The following PTPRD variants were observed in gnomAD, a reference collection of about 807,000 sequenced individuals.
PTPRD encodes the protein receptor-type tyrosine-protein phosphatase delta.
Under a neutral mutation model 214.5 loss-of-function variants are expected in PTPRD, and 34 were observed. That is an observed-to-expected ratio of 0.16 (90% confidence interval 0.12 to 0.21). The LOEUF is 0.21. Among genes scored for constraint, PTPRD ranks in the 10% least tolerant of loss-of-function variants. The probability of loss-of-function intolerance (pLI) is 1.00; values close to 1 mark genes in which losing one functional copy is unlikely to be tolerated. For missense variants in PTPRD, 2,545 were observed against 2,398.7 expected, an observed-to-expected ratio of 1.06 and a Z score of -1.27; for synonymous variants, 1,128 against 845.7, an observed-to-expected ratio of 1.33 and a Z score of -5.79.
rs1368145088 is a variant in PTPRD at position 8,341,983 on chromosome 9, G to A, written c.4662-5C>T. The A allele has an allele frequency of 1.9e-6, 3 of 1,584,622 alleles. No homozygotes were observed. In the African/African-American group the frequency reaches 4.1e-5, roughly 22 times the overall value. On this transcript the variant is annotated splice_region_variant and splice_polypyrimidine_tract_variant and intron_variant, in intron 39 of 45. Transcript: ENST00000381196. The stretch of plus-strand genomic sequence containing the variant: ...CCAGTCCGGCCAACTCCCGCACTAT[G>A]AGGAAAATAGAGAAGAAAAGCCCAA...
intron 3 of PTPRD, among the ~76,000 whole-genome samples, chr9:10,170,207 T>C (rs1033385847): frequency 1.3e-5 from 2 of 152,086 alleles, no homozygotes; most frequent in Non-Finnish European, 1.5e-5. Flanking sequence ...TGAGCTGCTG[T>C]AGGGAGCATT....
At chr9:8,330,623 AACAAAGGATGCTAGAAGGG>A (rs1839390806) in intron 44 of PTPRD, among the ~76,000 whole-genome samples, 5 of 152,174 alleles carry the variant, frequency 3.3e-5, no homozygotes, top group Non-Finnish European at 7.4e-5. Context: ...ATGCCTGAGA[AACAAAGGATGCTAGAAGGG>A]ACTTTAAACC....
intron 8 of PTPRD, among the ~76,000 whole-genome samples, chr9:9,419,314 TTTC>T (rs2077984086): frequency 6.6e-6 from 1 of 151,782 alleles, no homozygotes; most frequent in Non-Finnish European, 1.5e-5. Context: ...AATCAAGCTA[TTTC>T]TAAACAACAA....
At chr9:9,818,637 G>A (rs1289903677) in intron 5 of PTPRD, among the ~76,000 whole-genome samples, 1 of 152,054 alleles carries the variant, frequency 6.6e-6, no homozygotes, top group Non-Finnish European at 1.5e-5. Flanking sequence ...AAGAAAATGG[G>A]TCGGGCGTGG....
chr9:9,860,851 G>C (rs562330243), intron 5 of PTPRD, among the ~76,000 whole-genome samples: 2 of 152,294 alleles, frequency 1.3e-5, no homozygotes, highest in Admixed American at 1.3e-4. Context: ...AGAGATGTTG[G>C]TTTTGTTGTT....
chr9:9,750,781 T>C (rs1422088378), intron 6 of PTPRD, among the ~76,000 whole-genome samples: 1 of 152,092 alleles, frequency 6.6e-6, no homozygotes, highest in Non-Finnish European at 1.5e-5. Flanking sequence ...ATGGGAACTT[T>C]TCTATTTAAT....
At chr9:9,835,375 C>T (rs552557438) in intron 5 of PTPRD, among the ~76,000 whole-genome samples, 2 of 151,996 alleles carry the variant, frequency 1.3e-5, no homozygotes, top group Non-Finnish European at 2.9e-5. Context: ...TGAAAGGATG[C>T]CACTTTTGAA....
intron 10 of PTPRD, among the ~76,000 whole-genome samples, chr9:9,117,821 T>A (rs1296222084): frequency 1.3e-5 from 2 of 152,096 alleles, no homozygotes; most frequent in East Asian, 3.9e-4. Context: ...ATTTGTCCCA[T>A]TGCTTGAAAA....
At chr9:9,048,438 G>A (rs1441153950) in intron 10 of PTPRD, among the ~76,000 whole-genome samples, 3 of 152,102 alleles carry the variant, frequency 2.0e-5, no homozygotes, top group Non-Finnish European at 4.4e-5. Context: ...TAAATAAAAT[G>A]TAAGACATAC....
At chr9:8,491,150 C>G (rs1039828874) in intron 27 of PTPRD, among the ~76,000 whole-genome samples, 2 of 152,206 alleles carry the variant, frequency 1.3e-5, no homozygotes, top group Non-Finnish European at 2.9e-5. Flanking sequence ...GGAGGTCTTA[C>G]AAAAGTAAAC....
chr9:9,013,326 T>A (rs148960191), intron 11 of PTPRD, among the ~76,000 whole-genome samples: 1 of 151,854 alleles, frequency 6.6e-6, no homozygotes, highest in Non-Finnish European at 1.5e-5. Flanking sequence ...GCCATGGGAG[T>A]GCCCCCAGAA....
intron 31 of PTPRD, among the ~76,000 whole-genome samples, chr9:8,466,244 A>G (rs1000115540): frequency 1.3e-5 from 2 of 151,852 alleles, no homozygotes; most frequent in African/African-American, 4.8e-5. Context: ...TCATTTACCA[A>G]TTTCTGACTT....
chr9:9,437,529 A>G (rs907968439), intron 8 of PTPRD, among the ~76,000 whole-genome samples: 2 of 151,954 alleles, frequency 1.3e-5, no homozygotes, highest in South Asian at 4.1e-4. Flanking sequence ...TCTTTTCTCT[A>G]TTATCTGGCA....
At chr9:8,351,403 T>C (rs1476287983) in intron 39 of PTPRD, among the ~76,000 whole-genome samples, 2 of 149,378 alleles carry the variant, frequency 1.3e-5, no homozygotes, top group Non-Finnish European at 3.0e-5. Flanking sequence ...TATTTTTTTG[T>C]AGCTTTTTTT....
chr9:9,578,045 CAAAAAAA>C (rs34128512), intron 7 of PTPRD, among the ~76,000 whole-genome samples: 16 of 102,392 alleles, frequency 1.6e-4, no homozygotes, highest in African/African-American at 4.6e-4. Flanking sequence ...GACTCTGTCT[CAAAAAAA>C]AAAAAAAAAA....
At chr9:9,747,408 A>T (rs1349656969) in intron 6 of PTPRD, among the ~76,000 whole-genome samples, 2 of 152,140 alleles carry the variant, frequency 1.3e-5, no homozygotes, top group South Asian at 2.1e-4. Context: ...CTCACAATAG[A>T]GTGTGTGAGC....
intron 39 of PTPRD, among the ~76,000 whole-genome samples, chr9:8,361,023 C>T (rs1175047053): frequency 9.2e-5 from 14 of 152,094 alleles, no homozygotes; most frequent in Non-Finnish European, 2.9e-5. Context: ...ATGTTCAAAC[C>T]TTTTTTTCTG....
At chr9:10,295,117 T>C (rs2095638040) in intron 3 of PTPRD, among the ~76,000 whole-genome samples, 1 of 152,080 alleles carries the variant, frequency 6.6e-6, no homozygotes, top group Non-Finnish European at 1.5e-5. Flanking sequence ...TAAAGGATAT[T>C]GTATACATGG....
chr9:10,135,271 T>G (rs923796648), intron 3 of PTPRD, among the ~76,000 whole-genome samples: 1 of 151,656 alleles, frequency 6.6e-6, no homozygotes, highest in Non-Finnish European at 1.5e-5. Flanking sequence ...CTTGAGAGAG[T>G]AGTAGAGAGA....
Sources: allele counts gnomAD v4.1 joint callset (sites outside exome capture counted in the v4.1 genomes callset), GRCh38; gene constraint gnomAD v4.1.1; transcripts MANE v1.5; gene names NCBI Gene and HGNC (gene_info 2026-07-23, HGNC 2026-07-21).